Variants in AK5 observed in about 807,000 individuals in gnomAD.
AK5 encodes adenylate kinase 5.
In AK5, 27 loss-of-function variants were observed where a neutral mutation model predicts 69.5. The observed-to-expected ratio is 0.39, with a 90% CI of 0.29 to 0.54. AK5 has a LOEUF of 0.54. Among genes scored for constraint, AK5 ranks in the 20% least tolerant of loss-of-function variants. AK5 has a pLI of 0.71. For synonymous variants in AK5, 260 were observed against 244.4 expected (o/e 1.06, Z -0.60); for missense variants, 531 against 700.4 (o/e 0.76, Z 2.73).
chr1:77,347,114 G>A (rs1661956748), intron 6 of AK5, among the ~76,000 whole-genome samples: 1 of 152,100 alleles, frequency 6.6e-6, no homozygotes, highest in Non-Finnish European at 1.5e-5. Context: ...AGTTTTTAAA[G>A]GTTAATAGGA....
intron 13 of AK5, among the ~76,000 whole-genome samples, chr1:77,548,948 T>C (rs1180994909): frequency 7.1e-6 from 1 of 141,038 alleles, no homozygotes; most frequent in Non-Finnish European, 1.5e-5. Context: ...GTCACTCTGC[T>C]CACTGCAACC....
rs200259472 is a variant in AK5, at chr1:77,462,300, G to A, written c.1060-21017G>A. Among the ~76,000 whole-genome samples the A allele has an allele frequency of 2.4e-4, 27 of 111,434 alleles. No individual in the cohort carries two copies. The South Asian group carries it at 3.1e-3, about 13-fold the overall frequency. The allele number at this position is 111,434 out of a possible 152,430, so 73.1% of individuals were successfully genotyped here. On this transcript the variant is annotated intron_variant, in intron 8 of 13. Coordinates refer to ENST00000354567, the MANE Select transcript of AK5 (RefSeq NM_174858.3). The stretch of plus-strand genomic sequence containing the variant: ...GTAGATGCTTAACAAATATTTGTTG[G>A]ATAGATGGATGGATGGATGGATGGA...
At chr1:77,409,395 A>G (rs1050031638) in intron 6 of AK5, among the ~76,000 whole-genome samples, 1 of 152,076 alleles carries the variant, frequency 6.6e-6, no homozygotes, top group African/African-American at 2.4e-5. Context: ...CCTCACTACC[A>G]TCTGTTATTT....
At chr1:77,333,213 C>A (rs1412715485) in intron 5 of AK5, among the ~76,000 whole-genome samples, 5 of 152,118 alleles carry the variant, frequency 3.3e-5, no homozygotes, top group Non-Finnish European at 5.9e-5. Flanking sequence ...GTATCAAACA[C>A]CTCTGAGGCC....
At chr1:77,548,277 T>C (rs375403187) in intron 13 of AK5, among the ~76,000 whole-genome samples, 1 of 152,190 alleles carries the variant, frequency 6.6e-6, no homozygotes, top group South Asian at 2.1e-4. Flanking sequence ...TTTCTATGGC[T>C]TTGATAACGA....
intron 7 of AK5, among the ~76,000 whole-genome samples, chr1:77,414,011 G>A (rs1025384353): frequency 6.6e-6 from 1 of 152,174 alleles, no homozygotes; most frequent in Admixed American, 6.5e-5. Flanking sequence ...TGTGGAATTC[G>A]AGCTGGCCTC....
intron 5 of AK5, among the ~76,000 whole-genome samples, chr1:77,310,671 G>A (rs1046005097): frequency 6.6e-6 from 1 of 151,926 alleles, no homozygotes; most frequent in African/African-American, 2.4e-5. Flanking sequence ...ATGAGCCACC[G>A]CACCCGGCCC....
At chr1:77,544,922 C>T (rs576492910) in intron 13 of AK5, among the ~76,000 whole-genome samples, 70 of 152,246 alleles carry the variant, frequency 4.6e-4, no homozygotes, top group African/African-American at 1.4e-3. Context: ...TTTCCAACAC[C>T]GGCAGCACAG....
At chr1:77,358,943 A>G (rs1453767090) in intron 6 of AK5, among the ~76,000 whole-genome samples, 1 of 151,926 alleles carries the variant, frequency 6.6e-6, no homozygotes, top group Non-Finnish European at 1.5e-5. Context: ...AAAAAAAAGA[A>G]GAAGAAAAGG....
At chr1:77,314,458 T>C (rs1335732250) in intron 5 of AK5, 1 of 152,910 alleles carries the variant, frequency 6.5e-6, no homozygotes, top group African/African-American at 2.4e-5. Flanking sequence ...ACAGATGATA[T>C]AAACACAATA....
In AK5 at chr1:77,305,864, T is replaced by A. The variant is rs183897437; in HGVS notation, c.699+7917T>A. On this transcript the variant is annotated intron_variant, in intron 5 of 13. Transcript: ENST00000354567. The stretch of plus-strand genomic sequence containing the variant: ...CTATATACATTTTAGAGTTGTTTTT[T>A]TCTATTTCTGTGAAGAATGTCATTG... Among the ~76,000 whole-genome samples the A allele has an allele frequency of 5.3e-5, 8 of 152,304 alleles. No individual in the cohort carries two copies. In the East Asian group the frequency reaches 1.5e-3, roughly 29 times the overall value.
intron 10 of AK5, among the ~76,000 whole-genome samples, chr1:77,507,088 T>C (rs1175384074): frequency 6.6e-6 from 1 of 152,216 alleles, no homozygotes; most frequent in Non-Finnish European, 1.5e-5. Context: ...TAGTTAGATT[T>C]GAATTTTAGA....
intron 6 of AK5, among the ~76,000 whole-genome samples, chr1:77,367,569 A>ATATTATATATGT (rs1553139694): frequency 3.2e-5 from 1 of 31,628 alleles, no homozygotes; most frequent in Non-Finnish European, 6.3e-5. Flanking sequence ...ATATATATAT[A>ATATTATATATGT]TATATATATA....
intron 5 of AK5, among the ~76,000 whole-genome samples, chr1:77,331,472 A>T (rs1339076111): frequency 2.0e-5 from 3 of 152,212 alleles, no homozygotes; most frequent in Non-Finnish European, 4.4e-5. Context: ...ATTTATTAAG[A>T]TTATCAAATG....
chr1:77,375,792 G>A (rs757377584), intron 6 of AK5, among the ~76,000 whole-genome samples: 1 of 152,164 alleles, frequency 6.6e-6, no homozygotes. Context: ...ATGGGAGATA[G>A]TGTAGTGCAA....
chr1:77,500,506 C>T (rs915410515), intron 10 of AK5, among the ~76,000 whole-genome samples: 13 of 152,110 alleles, frequency 8.5e-5, no homozygotes, highest in African/African-American at 2.2e-4. Context: ...AGGCAAGGCA[C>T]GGTGGCTCAC....
At chr1:77,337,470 T>C (rs1557507256) in intron 5 of AK5, among the ~76,000 whole-genome samples, 2 of 152,178 alleles carry the variant, frequency 1.3e-5, no homozygotes, top group African/African-American at 4.8e-5. Flanking sequence ...GCACAATATA[T>C]CATTTTATTT....
chr1:77,490,361 C>A (rs1248466073), intron 10 of AK5, among the ~76,000 whole-genome samples: 1 of 152,138 alleles, frequency 6.6e-6, no homozygotes, highest in African/African-American at 2.4e-5. Context: ...CAGGTGATAG[C>A]CCTGATGGTC....
chr1:77,296,184 G>A (rs1457435598), intron 3 of AK5, among the ~76,000 whole-genome samples: 1 of 152,092 alleles, frequency 6.6e-6, no homozygotes, highest in Admixed American at 6.6e-5. Context: ...TGAGAGTGAG[G>A]TATAGATGCC....
Sources: allele counts gnomAD v4.1 joint callset (sites outside exome capture counted in the v4.1 genomes callset), GRCh38; gene constraint gnomAD v4.1.1; transcripts MANE v1.5; gene names NCBI Gene and HGNC (gene_info 2026-07-23, HGNC 2026-07-21).